The following LYST variants were observed in gnomAD, a reference collection of about 807,000 sequenced individuals.
LYST encodes the protein lysosomal trafficking regulator, also known as lysosomal-trafficking regulator.
A neutral mutation model predicts 413.6 loss-of-function variants in LYST; 192 were observed. That is an observed-to-expected ratio of 0.46 (90% confidence interval 0.41 to 0.52). The LOEUF (loss-of-function observed/expected upper bound fraction) is 0.52, where lower values mean the gene tolerates loss of function less well. Ranked by LOEUF, LYST falls within the 20% of genes least tolerant of loss-of-function variation. LYST has a pLI of 0.00. For synonymous variants in LYST, 1,525 were observed against 1,567.3 expected (o/e 0.97, Z 0.64); for missense variants, 3,815 against 4,499.9 (o/e 0.85, Z 4.35).
At chr1:235,666,221 TACATACACACACACACACACACACACAC>T (rs1658440015) in intron 50 of LYST, among the ~76,000 whole-genome samples, 3 of 116,176 alleles carry the variant, frequency 2.6e-5, no homozygotes, top group African/African-American at 9.8e-5. Flanking sequence ...ATGCAGTATG[TACATACACACACACACACACACACACAC>T]ACACACACAC....
At chr1:235,780,044 T>C (rs1334089638) in intron 16 of LYST, among the ~76,000 whole-genome samples, 2 of 152,064 alleles carry the variant, frequency 1.3e-5, no homozygotes, top group South Asian at 2.1e-4. Flanking sequence ...TAAAAATCAA[T>C]AGAGTCTCAT....
At chr1:235,738,579 G>A (rs765831508) in intron 31 of LYST, 12 of 1,610,236 alleles carry the variant, frequency 7.5e-6, no homozygotes, top group Non-Finnish European at 1.0e-5. Flanking sequence ...TGGGGAACAT[G>A]GAGATTCTAG....
chr1:235,676,940 C>T, intron 50 of LYST, 151 bp downstream of exon 50: 1 of 693,174 alleles, frequency 1.4e-6, no homozygotes, highest in South Asian at 1.5e-5. Flanking sequence ...AGTCTTGGAC[C>T]ATATTGTATT....
chr1:235,762,907 ATATAACTT>A (rs1416304889), intron 21 of LYST, 56 bp from the exon 22 acceptor site: 4 of 1,317,622 alleles, frequency 3.0e-6, no homozygotes, highest in Non-Finnish European at 3.3e-6. Flanking sequence ...TAAAACGAAA[ATATAACTT>A]TAAAAGCAGA....
At chr1:235,833,290 C>T (rs1179726638) in intron 2 of LYST, among the ~76,000 whole-genome samples, 1 of 151,438 alleles carries the variant, frequency 6.6e-6, no homozygotes, top group South Asian at 2.1e-4. Context: ...TTTAAAGTAC[C>T]CAGAAACAAA....
intron 36 of LYST, among the ~76,000 whole-genome samples, chr1:235,730,481 C>T (rs151240866): frequency 2.0e-5 from 3 of 151,230 alleles, no homozygotes; most frequent in African/African-American, 4.9e-5. Context: ...AGATGTTAAA[C>T]AGTCAATTAC....
At chr1:235,790,293 G>A (rs1378345117) in intron 12 of LYST, among the ~76,000 whole-genome samples, 1 of 152,148 alleles carries the variant, frequency 6.6e-6, no homozygotes, top group South Asian at 2.1e-4. Context: ...AAAACAGGTG[G>A]GTTTCAATTC....
intron 17 of LYST, among the ~76,000 whole-genome samples, 156 bp downstream of exon 17, chr1:235,776,907 G>A (rs545647023): frequency 2.2e-4 from 33 of 152,194 alleles, no homozygotes; most frequent in Non-Finnish European, 4.3e-4. Context: ...ATCTATGGCA[G>A]AAAGCTTAAT....
Position 235,720,733 on chromosome 1 carries a change from T to C in LYST, c.9488A>G (p.Tyr3163Cys), listed in dbSNP as rs1197886701. 2 of 1,613,824 alleles carry C rather than the reference T, an allele frequency of 1.2e-6. No homozygotes were observed. The highest frequency in any genetic ancestry group is 1.7e-5 in the Admixed American group (1 of 60,006). The change falls in exon 40 of 53, where the codon TAT (tyrosine) becomes TGT (cysteine). Residue 3163 changes from tyrosine (Y) to cysteine (C), a missense_variant. Tyr to Cys is a radical substitution (Grantham distance 194). Coordinates refer to ENST00000389793, the MANE Select transcript of LYST (RefSeq NM_000081.4). Reference sequence around the variant, plus strand: ...AGCAAGTATAAATGGGAACACAGGATACTGCATGAGATCATTGAAGGATCG... The same window carrying C: ...AGCAAGTATAAATGGGAACACAGGACACTGCATGAGATCATTGAAGGATCG... ...AGRSFNDLMQ[Y>C]PVFPFILADY...
In LYST at chr1:235,802,957, G is replaced by A. The variant is rs765011284; in HGVS notation, c.3663C>T (p.Tyr1221=). The A allele has an allele frequency of 4.3e-6, 7 of 1,613,368 alleles. No individual in the cohort carries two copies. Among genetic ancestry groups the A allele is most frequent in the African/African-American group, 1.3e-5 (1 of 74,990 alleles). Residue 1221 remains tyrosine (Y), a synonymous_variant, in exon 8 of 53, where the codon TAC becomes TAT. Coordinates refer to ENST00000389793, the MANE Select transcript of LYST (RefSeq NM_000081.4). The part of the protein sequence containing the change: ...SFKLLVEEEG[Y]EADSESNPED... ...CAGGATTGCTTTCACTATCTGCTTC[G>A]TAACCTTCTTCTTCAACTAAAAGTT...
At position 235,854,656 on chromosome 1, in the gene LYST, C is replaced by T. The variant is rs928047667; in HGVS notation, c.-98+12187G>A. The stretch of plus-strand genomic sequence containing the variant: ...TAGCTGTAGTTGTTGCGAATATCAA[C>T]ATTAAACGAGATAATTCATGTAAAA... On this transcript the variant is annotated intron_variant, in intron 1 of 52. Coordinates refer to ENST00000389793, the MANE Select transcript of LYST (RefSeq NM_000081.4). This position sits in a 1 kb window ranked among gnomAD's most constrained non-coding sequence, Gnocchi z 4.1. Among the ~76,000 whole-genome samples the T allele has an allele frequency of 2.6e-5, 4 of 152,200 alleles. No homozygotes were observed. The highest frequency in any genetic ancestry group is 9.7e-5 in the African/African-American group (4 of 41,444).
At chr1:235,760,096 A>G (rs977469109) in intron 22 of LYST, among the ~76,000 whole-genome samples, 39 of 152,276 alleles carry the variant, frequency 2.6e-4, no homozygotes, top group South Asian at 6.2e-4. Context: ...GTGAAACTCA[A>G]TTTACCTCAG....
Position 235,752,031 on chromosome 1 carries a change from T to G in LYST, c.7601A>C (p.Gln2534Pro), listed in dbSNP as rs772476965. ...TTGTGTCCTCTTGTTTTTGCTATTT[T>G]GAAGATATCCAAGCATTACAATAAG... ...EDLIVMLGYL[Q>P]NSKNKRTQNM... The change falls in exon 27 of 53, where the codon CAA (glutamine) becomes CCA (proline). Residue 2534 changes from glutamine (Q) to proline (P), a missense_variant. By Grantham distance (76) the Gln-to-Pro change is moderately conservative (BLOSUM62 -1). Transcript: ENST00000389793. 6.2e-7 allele frequency: 1 copy of G among 1,610,886 alleles called. No individual in the cohort carries two copies. The highest frequency in any genetic ancestry group is 1.3e-5 in the African/African-American group (1 of 74,958).
At chr1:235,721,441 G>A (rs1224225096) in intron 39 of LYST, among the ~76,000 whole-genome samples, 1 of 152,006 alleles carries the variant, frequency 6.6e-6, no homozygotes, top group East Asian at 1.9e-4. Context: ...CTTTTTTAGA[G>A]ATTCACAATA....
At chr1:235,724,284 T>C (rs921944980) in intron 38 of LYST, 104 bp from the exon 39 acceptor site, 2 of 980,206 alleles carry the variant, frequency 2.0e-6, no homozygotes, top group South Asian at 1.5e-5. Flanking sequence ...AAAATCTTTT[T>C]GTGGCAGATG....
intron 31 of LYST, chr1:235,737,919 C>CAGT: frequency 3.6e-5 from 42 of 1,160,706 alleles, no homozygotes; most frequent in South Asian, 2.8e-4. Context: ...GCCGACGAGT[C>CAGT]TGGATCTCAC....
intron 3 of LYST, 137 bp downstream of exon 3, chr1:235,830,089 C>CTT: frequency 1.1e-5 from 7 of 615,752 alleles, no homozygotes; most frequent in South Asian, 3.9e-5. Context: ...AATAGGTCCA[C>CTT]TTTTTTTTTA....
chr1:235,852,283 T>C (rs1678630856), intron 1 of LYST, among the ~76,000 whole-genome samples: 1 of 152,226 alleles, frequency 6.6e-6, no homozygotes, highest in East Asian at 1.9e-4. Context: ...CTTGAATTGC[T>C]AGCAATATGT....
chr1:235,728,849 C>T (rs1215951042), intron 37 of LYST, among the ~76,000 whole-genome samples: 3 of 152,132 alleles, frequency 2.0e-5, no homozygotes, highest in Admixed American at 2.0e-4. Flanking sequence ...ACCTTGGAGG[C>T]TATAGCTTAC....
Sources: allele counts gnomAD v4.1 joint callset (sites outside exome capture counted in the v4.1 genomes callset), GRCh38; gene constraint gnomAD v4.1.1; non-coding constraint Gnocchi (gnomAD v3.1); transcripts MANE v1.5; gene names NCBI Gene and HGNC (gene_info 2026-07-23, HGNC 2026-07-21).